The following NPLOC4 variants were observed in gnomAD, a reference collection of about 807,000 sequenced individuals.
NPLOC4 encodes NPL4 homolog, ubiquitin recognition factor, also known as nuclear protein localization protein 4 homolog.
A neutral mutation model predicts 80.6 loss-of-function variants in NPLOC4; 18 were observed. That is an observed-to-expected ratio of 0.22 (90% CI 0.15 to 0.33). The LOEUF (loss-of-function observed/expected upper bound fraction) is 0.33. NPLOC4 is among the 10% of genes least tolerant of loss of function. The pLI is 1.00. For missense variants in NPLOC4, 540 were observed against 786.1 expected, an observed-to-expected ratio of 0.69 and a Z score of 3.74; for synonymous variants, 313 against 301.5, an observed-to-expected ratio of 1.04 and a Z score of -0.39.
In NPLOC4 at chr17:81,631,438, T is replaced by TATATATATA. The variant is rs1568170977; in HGVS notation, c.16-1634_16-1633insTATATATAT. On this transcript the variant is annotated intron_variant, in intron 1 of 16. Coordinates refer to ENST00000331134, the MANE Select transcript of NPLOC4 (RefSeq NM_017921.4). ...AAAGTGTACATATATATATATATAT[T>TATATATATA]TTTTTTTTTTTTTTTTTTTTTTTTC... is the stretch of plus-strand genomic sequence containing the variant. 5.9e-3 allele frequency among the ~76,000 whole-genome samples: 153 copies of TATATATATA among 25,864 alleles called. 3 individuals carry two copies. The highest frequency in any genetic ancestry group is 0.017 in the African/African-American group (135 of 7,732). The allele number at this position is 25,864 out of a possible 152,430, so 17.0% of individuals were successfully genotyped here.
At chr17:81,626,795 A>T (rs1240884062) in intron 2 of NPLOC4, among the ~76,000 whole-genome samples, 2 of 152,056 alleles carry the variant, frequency 1.3e-5, no homozygotes, top group Admixed American at 6.6e-5. Flanking sequence ...TAATAATAAT[A>T]ATTTTAAAAT....
At chr17:81,607,635 C>G (rs7406753) in intron 6 of NPLOC4, among the ~76,000 whole-genome samples, 1,928 of 152,228 alleles carry the variant, frequency 0.013, 145 homozygotes, top group Admixed American at 0.11. Context: ...TGCATGCTAA[C>G]AGCAGCCACA....
intron 3 of NPLOC4, among the ~76,000 whole-genome samples, chr17:81,615,537 G>C (rs566677814): frequency 6.6e-6 from 1 of 152,292 alleles, no homozygotes; most frequent in South Asian, 2.1e-4. Context: ...AGAAAGTAGA[G>C]GAAATCCCCA....
Position 81,608,836 on chromosome 17 carries a change from G to C in NPLOC4, c.436-14C>G, listed in dbSNP as rs761440913. The C allele has an allele frequency of 7.0e-6, 11 of 1,560,742 alleles. No homozygotes were observed. The East Asian group carries it at 2.6e-4, about 37-fold the overall frequency. On this transcript the variant is annotated splice_polypyrimidine_tract_variant and intron_variant, in intron 5 of 16. Transcript: ENST00000331134. The stretch of plus-strand genomic sequence containing the variant: ...CTCATCGAATGGCTGCCAAGACACA[G>C]AGTAAGCGAGTGCAGTCTCACACGT...
At position 81,581,375 on chromosome 17, in the gene NPLOC4, A is replaced by AAAAAAAAAAAAAAAAAAAAAAAAAAAGTC. The variant is rs1555680405; in HGVS notation, c.1281+7568_1281+7569insGACTTTTTTTTTTTTTTTTTTTTTTTTTT. ...AAAAAAAAAAAAAAAAAAAAAAAAAAAGTTAATAAAATCACCATGTCACAA... is the reference window on the plus strand; with the variant it reads ...AAAAAAAAAAAAAAAAAAAAAAAAAAAAAAAAAAAAAAAAAAAAAAAAAAAAGTCAGTTAATAAAATCACCATGTCACAA... On this transcript the variant is annotated intron_variant, in intron 12 of 16. Coordinates refer to ENST00000331134, the MANE Select transcript of NPLOC4 (RefSeq NM_017921.4). 5.5e-5 allele frequency among the ~76,000 whole-genome samples: 4 copies of AAAAAAAAAAAAAAAAAAAAAAAAAAAGTC among 72,810 alleles called. 1 individual carries two copies. Among genetic ancestry groups the AAAAAAAAAAAAAAAAAAAAAAAAAAAGTC allele is most frequent in the African/African-American group, 4.7e-5 (1 of 21,076 alleles). The allele number at this position is 72,810 out of a possible 152,430, so 47.8% of individuals were successfully genotyped here.
chr17:81,574,563 G>A (rs115468915), intron 12 of NPLOC4, among the ~76,000 whole-genome samples: 3,569 of 152,274 alleles, frequency 0.023, 135 homozygotes, highest in African/African-American at 0.081. Context: ...CCGTCAAAGT[G>A]TCAGCAGCTT....
In NPLOC4 at chr17:81,559,271, G is replaced by A. The variant is rs762737271; in HGVS notation, c.1815C>T (p.Leu605=). Residue 605 remains leucine, a synonymous_variant, in exon 17 of 17, where the codon CTC becomes CTT. Coordinates refer to ENST00000331134, the MANE Select transcript of NPLOC4 (RefSeq NM_017921.4). ...PGTGHCEMCS[L]PRT ...GAGGGCAGGCGCCCTAGGTCCTGGG[G>A]AGGCTGCACATCTCGCAGTGGCCTG... 5 of 1,603,428 alleles carry A rather than the reference G, an allele frequency of 3.1e-6. No individual in the cohort carries two copies. The highest frequency in any genetic ancestry group is 3.4e-6 in the Non-Finnish European group (4 of 1,175,692).
At chr17:81,625,428 A>G (rs1217725378) in intron 2 of NPLOC4, among the ~76,000 whole-genome samples, 1 of 152,258 alleles carries the variant, frequency 6.6e-6, no homozygotes, top group African/African-American at 2.4e-5. Context: ...GGGTCATCAG[A>G]GTAGATGTAC....
At chr17:81,636,315 A>G (rs113488612) in intron 1 of NPLOC4, 1 of 152,234 alleles carries the variant, frequency 6.6e-6, no homozygotes, top group African/African-American at 2.4e-5. Context: ...CATCATTTAC[A>G]ACATTCCTTT....
At chr17:81,624,936 C>T (rs1174326914) in intron 2 of NPLOC4, among the ~76,000 whole-genome samples, 2 of 152,174 alleles carry the variant, frequency 1.3e-5, no homozygotes, top group Admixed American at 6.5e-5. Flanking sequence ...CAGACAGGGC[C>T]GTGGGAAGCC....
chr17:81,629,918 ACCTC>A, intron 1 of NPLOC4, 113 bp from the exon 2 acceptor site: 1 of 748,474 alleles, frequency 1.3e-6, no homozygotes, highest in Non-Finnish European at 2.3e-6. Flanking sequence ...TTAAAGCCAA[ACCTC>A]ACTCTTCACC....
chr17:81,577,699 C>T lies in NPLOC4; in HGVS notation c.1282-5611G>A. Among the ~76,000 whole-genome samples the T allele has an allele frequency of 6.6e-6, 1 of 152,224 alleles. No individual in the cohort carries two copies. Among genetic ancestry groups the T allele is most frequent in the East Asian group, 1.9e-4 (1 of 5,198 alleles). Reference sequence around the variant, plus strand: ...CAAACTCTGCGTGCTGGCACCTGGACTCACCATCCTCCCACACAGACCCAT... The same window carrying T: ...CAAACTCTGCGTGCTGGCACCTGGATTCACCATCCTCCCACACAGACCCAT... On this transcript the variant is annotated intron_variant, in intron 12 of 16. Coordinates refer to ENST00000331134, the MANE Select transcript of NPLOC4 (RefSeq NM_017921.4). The surrounding 1 kb of genome is among the most constrained non-coding windows in gnomAD (Gnocchi z 4.3).
At chr17:81,602,135 C>A (rs2035072760) in intron 8 of NPLOC4, among the ~76,000 whole-genome samples, 1 of 152,060 alleles carries the variant, frequency 6.6e-6, no homozygotes, top group East Asian at 1.9e-4. Flanking sequence ...ACAAAACTAG[C>A]CAGGCTCAGT....
At position 81,594,365 on chromosome 17, in the gene NPLOC4, G is replaced by A. The variant is rs78136412; in HGVS notation, c.1120+1751C>T. On this transcript the variant is annotated intron_variant, in intron 11 of 16. Transcript: ENST00000331134. ...TGTATTAATTATTAACATAATTAAC[G>A]TGTGAAAGATGCCTATCACCCTCAA... is the stretch of plus-strand genomic sequence containing the variant. Among the ~76,000 whole-genome samples the A allele has an allele frequency of 2.8e-4, 41 of 147,462 alleles. 1 individual carries two copies. Among genetic ancestry groups the A allele is most frequent in the African/African-American group, 7.8e-4 (31 of 39,610 alleles).
chr17:81,574,740 A>C (rs373767656), intron 12 of NPLOC4, among the ~76,000 whole-genome samples: 2 of 152,186 alleles, frequency 1.3e-5, no homozygotes, highest in African/African-American at 4.8e-5. Context: ...TGCCCAGGGC[A>C]CAGTGGCTCA....
chr17:81,621,283 C>A (rs1244208088), intron 3 of NPLOC4, among the ~76,000 whole-genome samples: 1 of 152,214 alleles, frequency 6.6e-6, no homozygotes, highest in Non-Finnish European at 1.5e-5. Flanking sequence ...CCCAATACAT[C>A]TTTGTTAAGA....
chr17:81,604,405 C>G (rs555424045), intron 8 of NPLOC4, 143 bp downstream of exon 8: 15 of 681,936 alleles, frequency 2.2e-5, no homozygotes, highest in South Asian at 2.1e-5. Context: ...TCTCCAATAA[C>G]TCAGAAAATG....
rs34643456 is a variant in NPLOC4 at position 81,587,674 on chromosome 17, G to GTTTTTTTT, written c.1281+1262_1281+1269dup. Among the ~76,000 whole-genome samples the GTTTTTTTT allele has an allele frequency of 1.2e-3, 114 of 93,416 alleles. 1 individual carries two copies. Among genetic ancestry groups the GTTTTTTTT allele is most frequent in the African/African-American group, 4.8e-3 (111 of 23,022 alleles). 61.3% of individuals were successfully genotyped at this position (93,416 alleles called of 152,430 possible). A position where few individuals can be genotyped will look rare whatever the true frequency, so the allele number is the denominator to read the frequency against. On this transcript the variant is annotated intron_variant, in intron 12 of 16. Coordinates refer to ENST00000331134, the MANE Select transcript of NPLOC4 (RefSeq NM_017921.4). ...GAAAAAAGAAACAAAGAAAAAAGTTGTTTTTTTTTTTTTTTTTGAGACAGA... is the reference window on the plus strand; with the variant it reads ...GAAAAAAGAAACAAAGAAAAAAGTTGTTTTTTTTTTTTTTTTTTTTTTTTTGAGACAGA...
chr17:81,629,192 C>CTTT (rs141999520), intron 2 of NPLOC4, among the ~76,000 whole-genome samples: 17 of 115,764 alleles, frequency 1.5e-4, no homozygotes, highest in South Asian at 5.9e-4. Context: ...TTATGAAATA[C>CTTT]TTTTTTTTTT....
Sources: allele counts gnomAD v4.1 joint callset (sites outside exome capture counted in the v4.1 genomes callset), GRCh38; gene constraint gnomAD v4.1.1; non-coding constraint Gnocchi (gnomAD v3.1); transcripts MANE v1.5; gene names NCBI Gene and HGNC (gene_info 2026-07-23, HGNC 2026-07-21).